Variants in SLC37A2 observed in about 807,000 individuals in gnomAD.
The protein encoded by SLC37A2 is glucose-6-phosphate exchanger SLC37A2.
SLC37A2 carries 59 observed loss-of-function variants against 70.7 expected under a neutral mutation model. That is an observed-to-expected ratio of 0.83 (90% CI 0.68 to 1.04). SLC37A2 has a LOEUF of 1.04. SLC37A2 is among the 50% of genes least tolerant of loss of function. SLC37A2 has a pLI of 0.00. For missense variants in SLC37A2, 580 were observed against 658.1 expected, an observed-to-expected ratio of 0.88 and a Z score of 1.30; for synonymous variants, 257 against 262.1, an observed-to-expected ratio of 0.98 and a Z score of 0.19.
At chr11:125,085,845 G>T in intron 16 of SLC37A2, 109 bp from the exon 17 acceptor site, 3 of 1,272,960 alleles carry the variant, frequency 2.4e-6, no homozygotes, top group South Asian at 1.2e-5. Flanking sequence ...AAGTGGCAGC[G>T]TGTCTCTCCC....
At chr11:125,076,267 AAGG>A (rs1949086996) in intron 1 of SLC37A2, among the ~76,000 whole-genome samples, 1 of 152,094 alleles carries the variant, frequency 6.6e-6, no homozygotes, top group Non-Finnish European at 1.5e-5. Context: ...CGCCTGCCTG[AAGG>A]AGGTGCTGTG....
chr11:125,076,864 A>G, intron 2 of SLC37A2, 26 bp downstream of exon 2: 1 of 1,610,698 alleles, frequency 6.2e-7, no homozygotes, highest in Non-Finnish European at 8.5e-7. Context: ...AGCAAGGAAG[A>G]GTGCAGAAGC....
rs747256981 is a variant in SLC37A2, at chr11:125,079,204, A to G, written c.407A>G (p.Tyr136Cys). The G allele has an allele frequency of 3.1e-6, 5 of 1,614,140 alleles. No homozygotes were observed. Among genetic ancestry groups the G allele is most frequent in the Non-Finnish European group, 4.2e-6 (5 of 1,180,012 alleles). ...TTCACCTCGCTCTTTGGCCTGGGAT[A>G]TTTCTGGAACATCCACGAGCTCTGG... is the stretch of plus-strand genomic sequence containing the variant. ...GLFTSLFGLG[Y>C]FWNIHELWYF... Residue 136 changes from tyrosine (Y) to cysteine (C), a missense_variant, in exon 5 of 18, where the codon TAT (tyrosine) becomes TGT (cysteine). Coordinates refer to ENST00000403796, the MANE Select transcript of SLC37A2 (RefSeq NM_001145290.2).
rs1431580208 is a variant in SLC37A2, at chr11:125,072,469, C to A, written c.60-4288C>A. On this transcript the variant is annotated intron_variant, in intron 1 of 17. Transcript: ENST00000403796. ...CATCTGGAGCAGCCGGGGGCCTTCC[C>A]CTCCATCCTTTGGTCCTTGGCCTAC... Among the ~76,000 whole-genome samples the A allele has an allele frequency of 2.0e-5, 3 of 152,206 alleles. No individual in the cohort carries two copies. The East Asian group carries it at 5.8e-4, about 29-fold the overall frequency.
Position 125,076,796 on chromosome 11 carries a change from C to T in SLC37A2, c.99C>T (p.Tyr33=), listed in dbSNP as rs78922475. The change falls in exon 2 of 18, where the codon TAC becomes TAT. Residue 33 remains tyrosine (Y), a synonymous_variant. Coordinates refer to ENST00000403796, the MANE Select transcript of SLC37A2 (RefSeq NM_001145290.2). ...GLILLLTFLI[Y]ACYHMSRKPI... ...TCCTGCTGCTGACCTTCCTAATTTA[C>T]GCCTGCTATCACATGTCCAGGAAGC... is the stretch of plus-strand genomic sequence containing the variant. 7.1e-4 allele frequency: 1,150 copies of T among 1,614,146 alleles called. 5 individuals are homozygous for T. The African/African-American group carries it at 8.9e-3, about 12-fold the overall frequency.
At chr11:125,084,355 GT>G (rs769367596) in intron 12 of SLC37A2, 36 bp downstream of exon 12, 1 of 1,605,200 alleles carries the variant, frequency 6.2e-7, no homozygotes, top group Non-Finnish European at 8.5e-7. Flanking sequence ...GCGAATGCAT[GT>G]GAGCAGGAGC....
chr11:125,085,700 G>A (rs778391869), intron 16 of SLC37A2, 26 bp downstream of exon 16: 7 of 1,604,742 alleles, frequency 4.4e-6, no homozygotes, highest in Non-Finnish European at 5.1e-6. Flanking sequence ...TACACAGATA[G>A]GTATTGAGGG....
chr11:125,084,761 C>A, intron 12 of SLC37A2, 64 bp from the exon 13 acceptor site: 1 of 1,558,800 alleles, frequency 6.4e-7, no homozygotes, highest in Non-Finnish European at 8.8e-7. Flanking sequence ...TTGTTGCAGA[C>A]CTCAGGGCTC....
intron 10 of SLC37A2, among the ~76,000 whole-genome samples, chr11:125,082,747 G>A (rs764366352): frequency 1.2e-4 from 19 of 152,100 alleles, no homozygotes; most frequent in Non-Finnish European, 2.5e-4. Flanking sequence ...CCTGGTGAGT[G>A]ACCCCACTCC....
intron 1 of SLC37A2, among the ~76,000 whole-genome samples, chr11:125,072,050 A>G (rs917534723): frequency 1.3e-5 from 2 of 151,014 alleles, no homozygotes; most frequent in Non-Finnish European, 2.9e-5. Context: ...CTAGGGAGCC[A>G]CTGGGGAACC....
At chr11:125,077,407 G>A (rs745696642) in intron 3 of SLC37A2, 43 bp from the exon 4 acceptor site, 2 of 1,594,548 alleles carry the variant, frequency 1.3e-6, no homozygotes, top group Non-Finnish European at 1.7e-6. Context: ...TCCTGCAGGG[G>A]CATCCACGCA....
At chr11:125,065,830 G>C (rs1948974557) in intron 1 of SLC37A2, among the ~76,000 whole-genome samples, 1 of 152,196 alleles carries the variant, frequency 6.6e-6, no homozygotes, top group Non-Finnish European at 1.5e-5. Flanking sequence ...AAGAGTTTCT[G>C]AATTCTGAGG....
In SLC37A2 at chr11:125,088,946, C is replaced by G. The variant is rs1382104870; in HGVS notation, c.*812C>G. The stretch of plus-strand genomic sequence containing the variant: ...AGAATGAAATGCCAAGGAGTGCCTA[C>G]TATATGCCAGCTCTAGGAATGGAGT... On this transcript the variant is annotated 3_prime_UTR_variant, in exon 18 of 18. Coordinates refer to ENST00000403796, the MANE Select transcript of SLC37A2 (RefSeq NM_001145290.2). 1.5e-5 allele frequency: 1 copy of G among 68,232 alleles called. No individual in the cohort carries two copies. Among genetic ancestry groups the G allele is most frequent in the Non-Finnish European group, 2.6e-5 (1 of 38,854 alleles). 4.2% of individuals were successfully genotyped at this position (68,232 alleles called of 1,614,324 possible).
intron 1 of SLC37A2, among the ~76,000 whole-genome samples, chr11:125,069,822 A>G (rs1156302423): frequency 6.6e-6 from 1 of 152,240 alleles, no homozygotes; most frequent in African/African-American, 2.4e-5. Flanking sequence ...GTCCAGGAAG[A>G]TGTTGCTCTC....
intron 4 of SLC37A2, among the ~76,000 whole-genome samples, chr11:125,078,704 C>T (rs1379901801): frequency 6.6e-6 from 1 of 151,974 alleles, no homozygotes; most frequent in African/African-American, 2.4e-5. Flanking sequence ...TATTTAAATG[C>T]CCCGGGGGCA....
chr11:125,078,219 G>A (rs1176856480), intron 4 of SLC37A2, among the ~76,000 whole-genome samples: 2 of 152,226 alleles, frequency 1.3e-5, no homozygotes, highest in African/African-American at 2.4e-5. Context: ...GGGAGGAACC[G>A]CGGGCAGGTG....
chr11:125,074,984 G>A (rs1565395917), intron 1 of SLC37A2, among the ~76,000 whole-genome samples: 1 of 152,228 alleles, frequency 6.6e-6, no homozygotes, highest in African/African-American at 2.4e-5. Flanking sequence ...CCTGGGGACT[G>A]GGGGAGAGTC....
Position 125,084,835 on chromosome 11 carries a change from A to G in SLC37A2, c.1136A>G (p.Tyr379Cys). 1 of 1,613,544 alleles carries G rather than the reference A, an allele frequency of 6.2e-7. No individual in the cohort carries two copies. Among genetic ancestry groups the G allele is most frequent in the East Asian group, 2.2e-5 (1 of 44,804 alleles). ...CCTCTCCTCTCTCAGATGTTCCTGT[A>G]CAACTACATTGGCCAGGACGGGATT... ...LILAAPMMFL[Y>C]NYIGQDGIAS... is the part of the protein sequence containing the mutation. The change falls in exon 13 of 18, where the codon TAC becomes TGC. Residue 379 changes from tyrosine to cysteine, a missense_variant. Tyr to Cys is a radical substitution (Grantham distance 194). Coordinates refer to ENST00000403796, the MANE Select transcript of SLC37A2 (RefSeq NM_001145290.2).
rs1166827786 is a variant in SLC37A2, at chr11:125,084,304, C to A, written c.1110C>A (p.Ile370=). 1 of 1,614,252 alleles carries A rather than the reference C, an allele frequency of 6.2e-7. No homozygotes were observed. The highest frequency in any genetic ancestry group is 8.5e-7 in the Non-Finnish European group (1 of 1,180,046). The change falls in exon 12 of 18, where the codon ATC becomes ATA. Residue 370 remains isoleucine, a synonymous_variant. Coordinates refer to ENST00000403796, the MANE Select transcript of SLC37A2 (RefSeq NM_001145290.2). ...CCACCACTTGCTGTGTCATGCTCATCTTGGCTGCCCCCATGGTGCGTATAA... is the reference window on the plus strand; with the variant it reads ...CCACCACTTGCTGTGTCATGCTCATATTGGCTGCCCCCATGGTGCGTATAA... ...GRATTCCVML[I]LAAPMMFLYN...
Sources: gnomAD v4.1 joint callset for allele counts (sites outside exome capture counted in the v4.1 genomes callset) on GRCh38, gnomAD v4.1.1 for gene constraint, MANE v1.5 for transcripts, NCBI Gene and HGNC (gene_info 2026-07-23, HGNC 2026-07-21) for gene names.